The following B4GALT1 variants were observed in gnomAD, a reference collection of about 807,000 sequenced individuals.
The protein encoded by B4GALT1 is N-acetyllactosamine synthase.
B4GALT1 carries 16 observed loss-of-function variants against 34.9 expected under a neutral mutation model. The observed-to-expected ratio is 0.46, with a 90% CI of 0.31 to 0.70. The LOEUF (loss-of-function observed/expected upper bound fraction) is 0.70. Ranked by LOEUF, B4GALT1 falls within the 30% of genes least tolerant of loss-of-function variation. B4GALT1 has a pLI of 0.05. For missense variants in B4GALT1, 445 were observed against 530.5 expected, an observed-to-expected ratio of 0.84 and a Z score of 1.58; for synonymous variants, 221 against 218.1, an observed-to-expected ratio of 1.01 and a Z score of -0.12.
At chr9:33,142,478 T>G (rs1840366407) in intron 1 of B4GALT1, among the ~76,000 whole-genome samples, 1 of 152,058 alleles carries the variant, frequency 6.6e-6, no homozygotes, top group African/African-American at 2.4e-5. Context: ...AAAACAGGAA[T>G]AGTCTATTCT....
the B4GALT1 span, among the ~76,000 whole-genome samples, chr9:33,182,043 G>C: frequency 6.6e-6 from 1 of 151,182 alleles, no homozygotes; most frequent in African/African-American, 2.4e-5. Flanking sequence ...ACCATGCCCA[G>C]CTAATTTAAA....
At chr9:33,159,458 C>T (rs540288400) in intron 1 of B4GALT1, among the ~76,000 whole-genome samples, 6 of 152,140 alleles carry the variant, frequency 3.9e-5, no homozygotes, top group Admixed American at 3.3e-4. Flanking sequence ...CAAATGACCC[C>T]GGCAGACAAA....
chr9:33,167,516 G>A (rs572256769), upstream of B4GALT1, among the ~76,000 whole-genome samples: 1 of 152,322 alleles, frequency 6.6e-6, no homozygotes, highest in East Asian at 1.9e-4. Context: ...GCCGTCGTGG[G>A]GTCCCCGGAG....
the B4GALT1 span, among the ~76,000 whole-genome samples, chr9:33,181,985 G>T: frequency 6.9e-6 from 1 of 144,370 alleles, no homozygotes; most frequent in Non-Finnish European, 1.5e-5. Context: ...TTTAGATAGG[G>T]TTTCACTCTG....
At chr9:33,109,789 C>G (rs747181410), downstream of B4GALT1, among the ~76,000 whole-genome samples, 1 of 152,188 alleles carries the variant, frequency 6.6e-6, no homozygotes, top group South Asian at 2.1e-4. Context: ...CTGTAGGACA[C>G]CCAGCTAGTG....
the B4GALT1 span, among the ~76,000 whole-genome samples, chr9:33,183,636 G>A: frequency 9.7e-6 from 1 of 103,032 alleles, no homozygotes; most frequent in Non-Finnish European, 1.9e-5. Flanking sequence ...CTGTTGTGGG[G>A]TGGGGGGAGG....
chr9:33,145,541 C>T (rs1840412786), intron 1 of B4GALT1, among the ~76,000 whole-genome samples: 1 of 152,134 alleles, frequency 6.6e-6, no homozygotes, highest in Non-Finnish European at 1.5e-5. Flanking sequence ...GGATCCACCT[C>T]GAATCAGACC....
intron 2 of B4GALT1, among the ~76,000 whole-genome samples, chr9:33,124,559 C>T (rs777904826): frequency 5.9e-5 from 9 of 152,084 alleles, no homozygotes; most frequent in African/African-American, 1.4e-4. Flanking sequence ...AGACCCAGCC[C>T]GGGGAGGCTG....
At chr9:33,109,273 T>C (rs1400313832), downstream of B4GALT1, among the ~76,000 whole-genome samples, 1 of 152,208 alleles carries the variant, frequency 6.6e-6, no homozygotes, top group African/African-American at 2.4e-5. Context: ...GCTGAACACG[T>C]GGAGGTGTCT....
chr9:33,147,636 A>G (rs1273636809), intron 1 of B4GALT1, among the ~76,000 whole-genome samples: 1 of 152,210 alleles, frequency 6.6e-6, no homozygotes, highest in Admixed American at 6.5e-5. Context: ...GTTCAACTAT[A>G]CCAGCATACC....
chr9:33,151,732 G>C (rs1464427453), intron 1 of B4GALT1, among the ~76,000 whole-genome samples: 1 of 152,144 alleles, frequency 6.6e-6, no homozygotes, highest in Non-Finnish European at 1.5e-5. Context: ...AGCACACATG[G>C]CTAAATTTTC....
intron 1 of B4GALT1, among the ~76,000 whole-genome samples, chr9:33,155,185 CTG>C (rs2118269143): frequency 6.6e-6 from 1 of 152,274 alleles, no homozygotes; most frequent in East Asian, 1.9e-4. Context: ...CATGGGCAAA[CTG>C]AGGCCCAGAG....
chr9:33,113,646 C>G, intron 5 of B4GALT1, 60 bp from the exon 6 acceptor site: 1 of 1,611,734 alleles, frequency 6.2e-7, no homozygotes, highest in Non-Finnish European at 8.5e-7. Flanking sequence ...AAGAAATCAT[C>G]ACACGTACTT....
rs1375825378 is a variant in B4GALT1 at position 33,110,861 on chromosome 9, G to C, written c.*2593C>G. 6.6e-6 allele frequency: 1 copy of C among 152,204 alleles called. No homozygotes were observed. The highest frequency in any genetic ancestry group is 1.5e-5 in the Non-Finnish European group (1 of 68,064). The allele number at this position is 152,204 out of a possible 1,614,324, so 9.4% of individuals were successfully genotyped here. A position where few individuals can be genotyped will look rare whatever the true frequency, so the allele number is the denominator to read the frequency against. ...GCCCCCGCCCCTGGCAGTCAGCAGA[G>C]ACCCTGTCCAGGCTGAAGGCCAGCA... On this transcript the variant is annotated 3_prime_UTR_variant, in exon 6 of 6. Transcript: ENST00000379731.
chr9:33,135,074 G>GT (rs1264181190), intron 2 of B4GALT1, 115 bp downstream of exon 2: 5 of 1,114,376 alleles, frequency 4.5e-6, no homozygotes, highest in Non-Finnish European at 6.6e-6. Flanking sequence ...GTTCCTCGCT[G>GT]TAAGTGCCAG....
At chr9:33,155,749 G>A (rs1198273422) in intron 1 of B4GALT1, among the ~76,000 whole-genome samples, 1 of 152,176 alleles carries the variant, frequency 6.6e-6, no homozygotes, top group South Asian at 2.1e-4. Context: ...GCATTTGGAG[G>A]AATTTTATAT....
Position 33,113,306 on chromosome 9 carries a change from G to A in B4GALT1, c.*148C>T, listed in dbSNP as rs1839890563. On this transcript the variant is annotated 3_prime_UTR_variant, in exon 6 of 6. Transcript: ENST00000379731. ...GGGGGCAAAATATCCCACTCGTCCT[G>A]GTCATCTGGAAAGCCATCTGAATGA... 9 of 1,209,882 alleles carry A rather than the reference G, an allele frequency of 7.4e-6. No individual in the cohort carries two copies. The highest frequency in any genetic ancestry group is 9.7e-6 in the Non-Finnish European group (8 of 822,122). 74.9% of individuals were successfully genotyped at this position (1,209,882 alleles called of 1,614,324 possible).
intron 2 of B4GALT1, among the ~76,000 whole-genome samples, chr9:33,126,663 A>AACATTGTTAACTATTGTT (rs1554685864): frequency 6.6e-6 from 1 of 151,394 alleles, no homozygotes; most frequent in Non-Finnish European, 1.5e-5. Flanking sequence ...AACCATAGCA[A>AACATTGTTAACTATTGTT]TATGGTAGCT....
At position 33,135,261 on chromosome 9, in the gene B4GALT1, C is replaced by T. The variant is rs1840250144; in HGVS notation, c.576G>A (p.Lys192=). 1 of 1,614,052 alleles carries T rather than the reference C, an allele frequency of 6.2e-7. No individual in the cohort carries two copies. The highest frequency in any genetic ancestry group is 2.2e-5 in the East Asian group (1 of 44,894). The change falls in exon 2 of 6, where the codon AAG becomes AAA. Residue 192 remains lysine (K), a synonymous_variant. Transcript: ENST00000379731. ...IPFRNRQEHL[K]YWLYYLHPVL... ...CTGGGTGCAAATAATATAGCCAGTA[C>T]TTGAGGTGCTCCTGCCGGTTGCGGA...
Sources: gnomAD v4.1 joint callset for allele counts (sites outside exome capture counted in the v4.1 genomes callset) on GRCh38, gnomAD v4.1.1 for gene constraint, MANE v1.5 for transcripts, NCBI Gene and HGNC (gene_info 2026-07-23, HGNC 2026-07-21) for gene names.